The following SESN3 variants were observed in gnomAD, a reference collection of about 807,000 sequenced individuals.
The protein encoded by SESN3 is sestrin-3.
In SESN3, 21 loss-of-function variants were observed where a neutral mutation model predicts 55.3. That is an observed-to-expected ratio of 0.38 (90% CI 0.27 to 0.55). The LOEUF (loss-of-function observed/expected upper bound fraction) is 0.55. Among genes scored for constraint, SESN3 ranks in the 20% least tolerant of loss-of-function variants. The pLI is 0.76. For synonymous variants in SESN3, 181 were observed against 203.1 expected (o/e 0.89, Z 0.93); for missense variants, 408 against 604.3 (o/e 0.68, Z 3.41).
intron 1 of SESN3, among the ~76,000 whole-genome samples, chr11:95,195,209 T>G (rs556870789): frequency 6.6e-6 from 1 of 152,182 alleles, no homozygotes; most frequent in African/African-American, 2.4e-5. Context: ...AATTTGTTGA[T>G]AAAAATCACA....
chr11:95,227,812 A>C (rs1440632081), intron 1 of SESN3, among the ~76,000 whole-genome samples: 4 of 152,180 alleles, frequency 2.6e-5, no homozygotes, highest in Non-Finnish European at 4.4e-5. Context: ...TGACTTTTCA[A>C]ATTAAAGGAT....
Position 95,173,261 on chromosome 11 carries a change from C to T in SESN3, c.1473G>A (p.Leu491=). Residue 491 remains leucine (L), a synonymous_variant, in exon 10 of 10, where the codon TTG becomes TTA. Coordinates refer to ENST00000536441, the MANE Select transcript of SESN3 (RefSeq NM_144665.4). ...LYALRAITRH[L]T ...ATTTTCCTTGGGTGATACTTCAGGT[C>T]AAATGCCGAGTTATGGCACGAAGAG... 6.4e-7 allele frequency: 1 copy of T among 1,569,090 alleles called. No individual in the cohort carries two copies. Among genetic ancestry groups the T allele is most frequent in the Non-Finnish European group, 8.7e-7 (1 of 1,145,354 alleles).
chr11:95,219,031 A>C (rs745678768), intron 1 of SESN3, among the ~76,000 whole-genome samples: 7 of 152,252 alleles, frequency 4.6e-5, no homozygotes, highest in Non-Finnish European at 8.8e-5. Context: ...TAGTTTATGC[A>C]CATTTTGAGT....
chr11:95,201,017 T>G (rs1847422099), intron 1 of SESN3: 1 of 152,060 alleles, frequency 6.6e-6, no homozygotes, highest in African/African-American at 2.4e-5. Flanking sequence ...GAGGTAAACT[T>G]CTGGTCTAGT....
At position 95,230,591 on chromosome 11, in the gene SESN3, G is replaced by A. The variant is rs1861037585; in HGVS notation, c.78+192C>T. On this transcript the variant is annotated intron_variant, in intron 1 of 9. Transcript: ENST00000536441. The surrounding 1 kb of genome is among the most constrained non-coding windows in gnomAD (Gnocchi z 4.6). ...ACCCCTCCAGACTTGGGTCTGTCCCGGCGGAAATAAAAAGCCGCAGTAGTC... is the reference window on the plus strand; with the variant it reads ...ACCCCTCCAGACTTGGGTCTGTCCCAGCGGAAATAAAAAGCCGCAGTAGTC... 4 of 548,492 alleles carry A rather than the reference G, an allele frequency of 7.3e-6. No homozygotes were observed. In the South Asian group the frequency reaches 8.7e-5, roughly 12 times the overall value. 34.0% of individuals were successfully genotyped at this position (548,492 alleles called of 1,614,324 possible).
At chr11:95,207,167 A>ACCTGGGC in intron 1 of SESN3, among the ~76,000 whole-genome samples, 1 of 151,754 alleles carries the variant, frequency 6.6e-6, no homozygotes, top group Non-Finnish European at 1.5e-5. Context: ...CTTACTTCCA[A>ACCTGGGC]ATCAAAGAAA....
At chr11:95,198,199 C>T (rs1284621943) in intron 1 of SESN3, among the ~76,000 whole-genome samples, 5 of 152,140 alleles carry the variant, frequency 3.3e-5, no homozygotes, top group African/African-American at 1.2e-4. Flanking sequence ...GAAACCTTTC[C>T]CCTCACAAGT....
At chr11:95,221,625 T>C (rs1363289771) in intron 1 of SESN3, among the ~76,000 whole-genome samples, 1 of 152,210 alleles carries the variant, frequency 6.6e-6, no homozygotes, top group East Asian at 1.9e-4. Flanking sequence ...CAAGAAATAA[T>C]ACGGCCTTAA....
intron 9 of SESN3, 116 bp from the exon 10 acceptor site, chr11:95,173,457 C>T (rs958500296): frequency 3.4e-5 from 17 of 492,886 alleles, no homozygotes; most frequent in Non-Finnish European, 5.6e-5. Flanking sequence ...ACACACACAC[C>T]TAGGCATATT....
At chr11:95,186,555 G>A (rs1860170901) in intron 4 of SESN3, among the ~76,000 whole-genome samples, 1 of 151,750 alleles carries the variant, frequency 6.6e-6, no homozygotes, top group African/African-American at 2.4e-5. Flanking sequence ...TACCACTGTA[G>A]GATGACTATA....
Position 95,185,502 on chromosome 11 carries a change from G to A in SESN3, c.526-10C>T. ...CAGTTTTGACAAGTTTCTGAAATAA[G>A]AAAGCAAATCAGAGCAAATATAAAA... On this transcript the variant is annotated splice_polypyrimidine_tract_variant and intron_variant, in intron 4 of 9. Transcript: ENST00000536441. The A allele has an allele frequency of 6.4e-7, 1 of 1,554,754 alleles. No individual in the cohort carries two copies. Among genetic ancestry groups the A allele is most frequent in the Non-Finnish European group, 8.9e-7 (1 of 1,127,568 alleles).
intron 1 of SESN3, among the ~76,000 whole-genome samples, chr11:95,207,954 G>A (rs969813178): frequency 6.6e-6 from 1 of 151,088 alleles, no homozygotes; most frequent in South Asian, 2.1e-4. Flanking sequence ...GATTATAGGC[G>A]TGAGCCACCA....
intron 1 of SESN3, among the ~76,000 whole-genome samples, chr11:95,213,000 G>T (rs944520467): frequency 6.6e-6 from 1 of 151,874 alleles, no homozygotes; most frequent in East Asian, 1.9e-4. Context: ...TATAAAATAT[G>T]TGTTTATTGC....
rs929905632 is a variant in SESN3, at chr11:95,167,034, C to T, written c.*6221G>A. 1.3e-5 allele frequency: 2 copies of T among 152,186 alleles called. No individual in the cohort carries two copies. Among genetic ancestry groups the T allele is most frequent in the African/African-American group, 2.4e-5 (1 of 41,450 alleles). The allele number at this position is 152,186 out of a possible 1,614,324, so 9.4% of individuals were successfully genotyped here. ...AAACTCCTTGGCCACCCAACTAATA[C>T]ATTTCTTTTTTCTTTTAATCCTTCC... On this transcript the variant is annotated 3_prime_UTR_variant, in exon 10 of 10. Transcript: ENST00000536441.
intron 1 of SESN3, among the ~76,000 whole-genome samples, chr11:95,211,719 G>A (rs994738287): frequency 1.8e-4 from 27 of 151,868 alleles, no homozygotes; most frequent in Admixed American, 7.2e-4. Context: ...GCAGTGAGTC[G>A]AGATCACACC....
chr11:95,180,378 C>G (rs997493181), intron 6 of SESN3, among the ~76,000 whole-genome samples: 2 of 152,136 alleles, frequency 1.3e-5, no homozygotes, highest in African/African-American at 4.8e-5. Context: ...TCTTTTCTCA[C>G]AAGTTTTCAG....
In SESN3 at chr11:95,170,260, C is replaced by G. The variant is rs899260971; in HGVS notation, c.*2995G>C. The G allele has an allele frequency of 1.3e-5, 2 of 152,294 alleles. No individual in the cohort carries two copies. Among genetic ancestry groups the G allele is most frequent in the Middle Eastern group, 3.4e-3 (1 of 294 alleles). The allele number at this position is 152,294 out of a possible 1,614,324, so 9.4% of individuals were successfully genotyped here. A position where few individuals can be genotyped will look rare whatever the true frequency, so the allele number is the denominator to read the frequency against. On this transcript the variant is annotated 3_prime_UTR_variant, in exon 10 of 10. Transcript: ENST00000536441. The stretch of plus-strand genomic sequence containing the variant: ...AGATTATTTTCAGGTGGGAGAGTAT[C>G]TCAATATTTCTTAAGGTGATCTGAG...
At position 95,184,412 on chromosome 11, in the gene SESN3, A is replaced by T. The variant is rs1332338718; in HGVS notation, c.937+8T>A. 28 of 1,613,324 alleles carry T rather than the reference A, an allele frequency of 1.7e-5. No individual in the cohort carries two copies. The highest frequency in any genetic ancestry group is 2.3e-5 in the Non-Finnish European group (27 of 1,179,706). The stretch of plus-strand genomic sequence containing the variant: ...ACAACTAAAAGGCAAAAAAGTGCAA[A>T]AAAGCACCTGAATGAGGAAATGAAT... On this transcript the variant is annotated splice_region_variant and intron_variant, in intron 6 of 9. Coordinates refer to ENST00000536441, the MANE Select transcript of SESN3 (RefSeq NM_144665.4).
intron 3 of SESN3, 130 bp from the exon 4 acceptor site, chr11:95,190,091 T>G (rs981779587): frequency 2.0e-5 from 13 of 642,022 alleles, no homozygotes; most frequent in Non-Finnish European, 2.5e-5. Flanking sequence ...ACAGAATCCT[T>G]TTTCTAAAAC....
Sources: allele counts gnomAD v4.1 joint callset (sites outside exome capture counted in the v4.1 genomes callset), GRCh38; gene constraint gnomAD v4.1.1; non-coding constraint Gnocchi (gnomAD v3.1); transcripts MANE v1.5; gene names NCBI Gene and HGNC (gene_info 2026-07-23, HGNC 2026-07-21).